FAM169A: variants seen among roughly 807,000 people sequenced by gnomAD.
The protein encoded by FAM169A is family with sequence similarity 169 member A, also known as soluble lamin-associated protein of 75 kDa.
A neutral mutation model predicts 75.7 loss-of-function variants in FAM169A; 24 were observed. The observed-to-expected ratio is 0.32, with a 90% CI of 0.23 to 0.45. The LOEUF (loss-of-function observed/expected upper bound fraction) is 0.45. Among genes scored for constraint, FAM169A ranks in the 20% least tolerant of loss-of-function variants. The probability of loss-of-function intolerance (pLI) is 1.00; values close to 1 mark genes in which losing one functional copy is unlikely to be tolerated. For missense variants in FAM169A, 673 were observed against 784.0 expected, an observed-to-expected ratio of 0.86 and a Z score of 1.69; for synonymous variants, 271 against 271.0, an observed-to-expected ratio of 1.00 and a Z score of 0.00.
intron 1 of FAM169A, among the ~76,000 whole-genome samples, chr5:74,854,246 T>A (rs1050865689): frequency 6.6e-6 from 1 of 151,966 alleles, no homozygotes; most frequent in African/African-American, 2.4e-5. Flanking sequence ...ATACAAAAAA[T>A]TAGCCAGGTA....
At chr5:74,843,814 C>A (rs1240963694) in intron 1 of FAM169A, among the ~76,000 whole-genome samples, 1 of 152,164 alleles carries the variant, frequency 6.6e-6, no homozygotes, top group African/African-American at 2.4e-5. Flanking sequence ...ATGAATAAAG[C>A]TGCTATAAGC....
intron 4 of FAM169A, among the ~76,000 whole-genome samples, chr5:74,834,999 T>TA (rs34697673): frequency 0.19 from 24,842 of 131,042 alleles, 3,145 homozygotes; most frequent in African/African-American, 0.35. Flanking sequence ...TCTCCACATT[T>TA]AAAAAAAAAA....
intron 5 of FAM169A, among the ~76,000 whole-genome samples, chr5:74,828,355 TTTTTA>T (rs1240571373): frequency 6.6e-6 from 1 of 152,224 alleles, no homozygotes; most frequent in African/African-American, 2.4e-5. Context: ...CTTTTTTCTT[TTTTTA>T]AAGTGGGACT....
rs1484419911 is a variant in FAM169A at position 74,838,952 on chromosome 5, A to G, written c.318+13T>C. 1.9e-6 allele frequency: 3 copies of G among 1,588,716 alleles called. No individual in the cohort carries two copies. Among genetic ancestry groups the G allele is most frequent in the Admixed American group, 1.7e-5 (1 of 59,960 alleles). ...CCTCAAAAGAAACACTCAAAATTAG[A>G]GGATCTTGTTACCTGCTTAAGCCCC... On this transcript the variant is annotated intron_variant, in intron 4 of 12. Transcript: ENST00000687041.
chr5:74,805,035 CT>C, intron 7 of FAM169A, 120 bp downstream of exon 7: 4 of 786,334 alleles, frequency 5.1e-6, no homozygotes, highest in Middle Eastern at 5.8e-4. Context: ...CACTACCACT[CT>C]GGACTCTAAG....
At chr5:74,809,110 T>C (rs1284660969) in intron 6 of FAM169A, among the ~76,000 whole-genome samples, 1 of 151,618 alleles carries the variant, frequency 6.6e-6, no homozygotes, top group Non-Finnish European at 1.5e-5. Flanking sequence ...GATAAATACT[T>C]CCAAAAGGAA....
Position 74,800,083 on chromosome 5 carries a change from G to A in FAM169A, c.1103+797C>T, listed in dbSNP as rs1746486156. 11 of 664,810 alleles carry A rather than the reference G, an allele frequency of 1.7e-5. No individual in the cohort carries two copies. In the Admixed American group the frequency reaches 2.1e-4, roughly 12 times the overall value. 41.2% of individuals were successfully genotyped at this position (664,810 alleles called of 1,614,324 possible). ...GGGATTTCAAGGATAATTTGAAGCT[G>A]AGTGAGCCTCCGCCATCCAGCGTGA... On this transcript the variant is annotated intron_variant, in intron 10 of 12. Transcript: ENST00000687041.
intron 1 of FAM169A, 76 bp downstream of exon 1, chr5:74,866,089 G>A: frequency 5.3e-6 from 4 of 760,274 alleles, no homozygotes; most frequent in Non-Finnish European, 6.4e-6. Context: ...GTCTGGTGCT[G>A]GCGGGGGCGC....
intron 10 of FAM169A, chr5:74,799,207 GCAGA>G (rs1195070424): frequency 1.6e-6 from 2 of 1,278,192 alleles, no homozygotes; most frequent in Non-Finnish European, 1.1e-6. Context: ...CACTTGTGGG[GCAGA>G]CCACAATGCC....
At chr5:74,804,965 A>G (rs1188863116) in intron 7 of FAM169A, among the ~76,000 whole-genome samples, 191 bp downstream of exon 7, 1 of 152,138 alleles carries the variant, frequency 6.6e-6, no homozygotes, top group Non-Finnish European at 1.5e-5. Context: ...AAGTTAATAC[A>G]TTACCAAAAT....
At chr5:74,854,682 G>C (rs1749618840) in intron 1 of FAM169A, among the ~76,000 whole-genome samples, 1 of 152,018 alleles carries the variant, frequency 6.6e-6, no homozygotes, top group Admixed American at 6.6e-5. Context: ...AATTGTTTTA[G>C]CTCCCATAAA....
Position 74,860,694 on chromosome 5 carries a change from G to C in FAM169A, c.-4+5471C>G, listed in dbSNP as rs143519155. 3.7e-3 allele frequency among the ~76,000 whole-genome samples: 566 copies of C among 152,192 alleles called. 3 individuals carry two copies. Among genetic ancestry groups the C allele is most frequent in the South Asian group, 7.5e-3 (36 of 4,820 alleles). On this transcript the variant is annotated intron_variant, in intron 1 of 12. Coordinates refer to ENST00000687041, the MANE Select transcript of FAM169A (RefSeq NM_001376049.1). ...GGATAAGATTTCTAAGTAAGAGCAA[G>C]TGGAATAGCCAAGGCTTATAGTTAG...
intron 1 of FAM169A, among the ~76,000 whole-genome samples, chr5:74,856,287 C>G (rs977274325): frequency 1.3e-5 from 2 of 152,016 alleles, no homozygotes; most frequent in African/African-American, 4.8e-5. Context: ...GTTCCATATA[C>G]ATTTTAGGAT....
intron 11 of FAM169A, among the ~76,000 whole-genome samples, chr5:74,788,515 G>C (rs934965314): frequency 6.6e-6 from 1 of 152,128 alleles, no homozygotes; most frequent in African/African-American, 2.4e-5. Flanking sequence ...AAACCAGCCT[G>C]ACCAACATGG....
chr5:74,828,416 G>T (rs947963193), intron 5 of FAM169A, among the ~76,000 whole-genome samples: 7 of 152,084 alleles, frequency 4.6e-5, no homozygotes, highest in Non-Finnish European at 1.0e-4. Flanking sequence ...AAGGTTAGAT[G>T]AAAGATATAC....
At chr5:74,855,735 T>C (rs997188628) in intron 1 of FAM169A, among the ~76,000 whole-genome samples, 30 of 152,354 alleles carry the variant, frequency 2.0e-4, no homozygotes, top group African/African-American at 6.5e-4. Context: ...ATTCTGTGGG[T>C]TGTCTCTTCA....
chr5:74,819,214 T>A (rs1747645770), intron 5 of FAM169A, among the ~76,000 whole-genome samples: 1 of 148,160 alleles, frequency 6.7e-6, no homozygotes, highest in African/African-American at 2.5e-5. Context: ...GCAAAACTCG[T>A]CTCAAAGAAA....
intron 3 of FAM169A, among the ~76,000 whole-genome samples, chr5:74,839,766 C>T (rs528772332): frequency 1.3e-5 from 2 of 151,916 alleles, no homozygotes; most frequent in Non-Finnish European, 2.9e-5. Flanking sequence ...TCAGGTGATC[C>T]ACCCACCTCG....
At chr5:74,864,960 G>T (rs1013829101) in intron 1 of FAM169A, among the ~76,000 whole-genome samples, 1 of 151,766 alleles carries the variant, frequency 6.6e-6, no homozygotes, top group African/African-American at 2.4e-5. Context: ...GATAAGGGAC[G>T]TAGTTTGCAA....
Sources: allele counts gnomAD v4.1 joint callset (sites outside exome capture counted in the v4.1 genomes callset), GRCh38; gene constraint gnomAD v4.1.1; transcripts MANE v1.5; gene names NCBI Gene and HGNC (gene_info 2026-07-23, HGNC 2026-07-21).